Variants in DOK6 observed in about 807,000 individuals in gnomAD.
DOK6 encodes the protein downstream of tyrosine kinase 6.
In DOK6, 22 loss-of-function variants were observed where a neutral mutation model predicts 44.0. The ratio of observed to expected loss-of-function variants is 0.50; its 90% confidence interval spans 0.36 to 0.71. DOK6 has a LOEUF of 0.71. Ranked by LOEUF, DOK6 falls within the 30% of genes least tolerant of loss-of-function variation. DOK6 has a pLI of 0.00. For synonymous variants in DOK6, 166 were observed against 145.5 expected (o/e 1.14, Z -1.01); for missense variants, 340 against 416.4 (o/e 0.82, Z 1.60).
chr18:69,721,207 T>C (rs1245952518), intron 5 of DOK6: 1 of 152,212 alleles, frequency 6.6e-6, no homozygotes, highest in Non-Finnish European at 1.5e-5. Flanking sequence ...CCTAATGTCC[T>C]TCTCTGAAAG....
At chr18:69,506,120 G>A (rs77759451) in intron 1 of DOK6, among the ~76,000 whole-genome samples, 60 of 152,072 alleles carry the variant, frequency 3.9e-4, no homozygotes, top group African/African-American at 1.3e-3. Context: ...TTTGGGTTCA[G>A]CAATCTTTGA....
intron 7 of DOK6, among the ~76,000 whole-genome samples, chr18:69,785,382 G>A (rs1222288988): frequency 6.6e-6 from 1 of 152,144 alleles, no homozygotes; most frequent in Non-Finnish European, 1.5e-5. Context: ...CCAGACATCT[G>A]TAATTATGTC....
chr18:69,429,620 CATATATATAT>C (rs143819043), intron 1 of DOK6, among the ~76,000 whole-genome samples: 1,462 of 105,798 alleles, frequency 0.014, 21 homozygotes, highest in South Asian at 0.018. Flanking sequence ...TTGAGGGATA[CATATATATAT>C]ATATATATAT....
chr18:69,531,607 C>T (rs1218602728), intron 1 of DOK6, among the ~76,000 whole-genome samples: 4 of 151,880 alleles, frequency 2.6e-5, no homozygotes, highest in Admixed American at 1.3e-4. Context: ...CTGTAGTTCA[C>T]GAAATTATTT....
At chr18:69,583,783 TA>T (rs1983424592) in intron 2 of DOK6, among the ~76,000 whole-genome samples, 1 of 151,512 alleles carries the variant, frequency 6.6e-6, no homozygotes, top group Admixed American at 6.6e-5. Flanking sequence ...AGCGTTATCT[TA>T]AATATTATTC....
At chr18:69,408,574 C>A (rs1978293501) in intron 1 of DOK6, among the ~76,000 whole-genome samples, 1 of 152,046 alleles carries the variant, frequency 6.6e-6, no homozygotes, top group South Asian at 2.1e-4. Flanking sequence ...TTTTATTTAA[C>A]CTGGCTTTAT....
chr18:69,564,576 T>C lies in DOK6; in HGVS notation c.156T>C (p.Tyr52=). The C allele has an allele frequency of 6.2e-7, 1 of 1,613,396 alleles. No homozygotes were observed. Among genetic ancestry groups the C allele is most frequent in the South Asian group, 1.1e-5 (1 of 90,976 alleles). The change falls in exon 2 of 8, where the codon TAT becomes TAC. Residue 52 remains tyrosine, a synonymous_variant. Coordinates refer to ENST00000382713, the MANE Select transcript of DOK6 (RefSeq NM_152721.6). ...LEKFPDEKAA[Y]FRNFHKVTEL... ...AATTTCCAGATGAAAAGGCAGCTTA[T>C]TTCAGAAACTTTCATAAGGTAAGTC...
intron 1 of DOK6, among the ~76,000 whole-genome samples, chr18:69,440,782 C>T (rs936349903): frequency 1.3e-5 from 2 of 150,920 alleles, no homozygotes; most frequent in Non-Finnish European, 3.0e-5. Context: ...ACACACATTT[C>T]TTTGACTATG....
chr18:69,676,543 CAA>C (rs1985926405), intron 3 of DOK6, among the ~76,000 whole-genome samples: 1 of 152,052 alleles, frequency 6.6e-6, no homozygotes. Context: ...CAGAGAGCAA[CAA>C]GAGATTTACA....
chr18:69,458,937 C>CA (rs112139558), intron 1 of DOK6, among the ~76,000 whole-genome samples: 161 of 151,034 alleles, frequency 1.1e-3, no homozygotes, highest in African/African-American at 3.5e-3. Flanking sequence ...ACTAAAAATA[C>CA]AAAAAAAAAT....
At chr18:69,444,459 C>G (rs1979222627) in intron 1 of DOK6, among the ~76,000 whole-genome samples, 1 of 151,444 alleles carries the variant, frequency 6.6e-6, no homozygotes, top group Non-Finnish European at 1.5e-5. Flanking sequence ...CACCGAATCC[C>G]ACACATGAGC....
intron 1 of DOK6, among the ~76,000 whole-genome samples, chr18:69,455,955 A>G (rs1414616333): frequency 6.6e-6 from 1 of 152,202 alleles, no homozygotes; most frequent in Non-Finnish European, 1.5e-5. Flanking sequence ...TACACTGACT[A>G]TAGTGTATCC....
At chr18:69,749,409 T>A (rs12960553) in intron 6 of DOK6, among the ~76,000 whole-genome samples, 21,213 of 152,202 alleles carry the variant, frequency 0.14, 1,565 homozygotes, top group Middle Eastern at 0.23. Flanking sequence ...GCAATATTTA[T>A]TACTATTTAT....
chr18:69,669,018 C>T (rs1394290220), intron 3 of DOK6, among the ~76,000 whole-genome samples: 2 of 152,144 alleles, frequency 1.3e-5, no homozygotes, highest in African/African-American at 4.8e-5. Context: ...ACTGTGGCAA[C>T]ATGTTACTTA....
At chr18:69,643,819 G>A (rs946208750) in intron 3 of DOK6, 1 of 152,270 alleles carries the variant, frequency 6.6e-6, no homozygotes, top group African/African-American at 2.4e-5. Flanking sequence ...TTATAAGAAA[G>A]TGTCGAAATG....
At chr18:69,495,778 T>G (rs1018735942) in intron 1 of DOK6, among the ~76,000 whole-genome samples, 10 of 152,268 alleles carry the variant, frequency 6.6e-5, no homozygotes, top group African/African-American at 2.4e-4. Flanking sequence ...AGGCCAGCAC[T>G]GAACTACCTG....
chr18:69,763,333 G>C (rs1178531834), intron 7 of DOK6, among the ~76,000 whole-genome samples: 1 of 152,142 alleles, frequency 6.6e-6, no homozygotes, highest in Non-Finnish European at 1.5e-5. Flanking sequence ...GTATTTGAAA[G>C]TAATTTCTTA....
At chr18:69,826,240 A>T (rs893411430) in intron 7 of DOK6, among the ~76,000 whole-genome samples, 2 of 152,202 alleles carry the variant, frequency 1.3e-5, no homozygotes, top group African/African-American at 4.8e-5. Context: ...ACCCAAAGTA[A>T]GCTGGTAAGT....
chr18:69,716,133 C>T (rs1986875917), intron 5 of DOK6, among the ~76,000 whole-genome samples: 1 of 152,152 alleles, frequency 6.6e-6, no homozygotes, highest in Non-Finnish European at 1.5e-5. Context: ...GCTAAGCAGG[C>T]TAAGATACTG....
Sources: allele counts gnomAD v4.1 joint callset (sites outside exome capture counted in the v4.1 genomes callset), GRCh38; gene constraint gnomAD v4.1.1; transcripts MANE v1.5; gene names NCBI Gene and HGNC (gene_info 2026-07-23, HGNC 2026-07-21).